Variants in UQCRH observed in about 807,000 individuals in gnomAD.
The protein encoded by UQCRH is ubiquinol-cytochrome c reductase hinge protein, also known as cytochrome b-c1 complex subunit 6, mitochondrial.
A neutral mutation model predicts 16.3 loss-of-function variants in UQCRH; 14 were observed. That is an observed-to-expected ratio of 0.86 (90% CI 0.57 to 1.34). The LOEUF (loss-of-function observed/expected upper bound fraction) is 1.34, where lower values mean the gene tolerates loss of function less well. UQCRH is among the 40% of genes most tolerant of loss of function. The pLI is 0.00. For synonymous variants in UQCRH, 41 were observed against 41.9 expected (o/e 0.98, Z 0.08); for missense variants, 89 against 111.9 (o/e 0.80, Z 0.92).
At chr1:46,309,727 G>T in intron 2 of UQCRH, 2 of 338,622 alleles carry the variant, frequency 5.9e-6, no homozygotes, top group Non-Finnish European at 9.7e-6. Context: ...CCTTCTCTAT[G>T]TTAGCATTGC....
chr1:46,305,686 G>A (rs1165731041), intron 1 of UQCRH, among the ~76,000 whole-genome samples: 1 of 152,012 alleles, frequency 6.6e-6, no homozygotes, highest in Non-Finnish European at 1.5e-5. Flanking sequence ...GAGAGGCGAA[G>A]CTTGCAGTGA....
intron 1 of UQCRH, among the ~76,000 whole-genome samples, chr1:46,306,317 C>A (rs1349489555): frequency 1.3e-5 from 2 of 151,506 alleles, no homozygotes. Context: ...TATCTACGGT[C>A]CTAATTTCTG....
chr1:46,316,506 C>CATTA, intron 3 of UQCRH, 46 bp from the exon 4 acceptor site: 1 of 1,613,168 alleles, frequency 6.2e-7, no homozygotes, highest in African/African-American at 1.3e-5. Context: ...TAAGCCATGA[C>CATTA]ATTAAAGCTG....
intron 3 of UQCRH, among the ~76,000 whole-genome samples, chr1:46,312,331 C>T (rs1333466668): frequency 6.6e-6 from 1 of 152,030 alleles, no homozygotes; most frequent in Non-Finnish European, 1.5e-5. Flanking sequence ...TCTTGAACTC[C>T]TGACCTCCAG....
In UQCRH at chr1:46,316,761, T is replaced by G; in HGVS notation, c.*177T>G. ...CGCAATGATTCCATCTAAATAAAAG[T>G]TCTATGATCTGCAAACCTGCCCGTC... On this transcript the variant is annotated 3_prime_UTR_variant, in exon 4 of 4. Coordinates refer to ENST00000311672, the MANE Select transcript of UQCRH (RefSeq NM_006004.4). 2 of 830,108 alleles carry G rather than the reference T, an allele frequency of 2.4e-6. No homozygotes were observed. The highest frequency in any genetic ancestry group is 3.5e-6 in the Non-Finnish European group (2 of 570,606). 51.4% of individuals were successfully genotyped at this position (830,108 alleles called of 1,614,324 possible).
At chr1:46,304,270 C>T (rs1661317949) in intron 1 of UQCRH, among the ~76,000 whole-genome samples, 1 of 151,930 alleles carries the variant, frequency 6.6e-6, no homozygotes, top group African/African-American at 2.4e-5. Context: ...TCTTTGGGGA[C>T]AATGAAAGAA....
chr1:46,309,866 G>A (rs1204319004), intron 2 of UQCRH: 1 of 1,345,090 alleles, frequency 7.4e-7, no homozygotes, highest in Non-Finnish European at 9.6e-7. Context: ...TTCAAGTTTG[G>A]CCAGGTTTCC....
intron 1 of UQCRH, among the ~76,000 whole-genome samples, chr1:46,305,507 TGGATC>T: frequency 7.7e-6 from 1 of 129,356 alleles, no homozygotes; most frequent in African/African-American, 2.6e-5. Flanking sequence ...CCGAGGCGGG[TGGATC>T]GGGAGGCCGA....
intron 3 of UQCRH, 87 bp from the exon 4 acceptor site, chr1:46,316,465 G>T: frequency 6.4e-7 from 1 of 1,570,348 alleles, no homozygotes; most frequent in Non-Finnish European, 8.7e-7. Flanking sequence ...GAGAAGAGGG[G>T]CAGTACTGTT....
intron 3 of UQCRH, among the ~76,000 whole-genome samples, chr1:46,313,790 A>G (rs1661527586): frequency 6.6e-6 from 1 of 150,500 alleles, no homozygotes; most frequent in African/African-American, 2.4e-5. Flanking sequence ...TCAGTGAGCC[A>G]TGATCACGCC....
At chr1:46,311,013 A>G (rs991112863) in intron 3 of UQCRH, among the ~76,000 whole-genome samples, 6 of 151,124 alleles carry the variant, frequency 4.0e-5, no homozygotes, top group Non-Finnish European at 8.8e-5. Flanking sequence ...GCTTGCAGTG[A>G]GCCGAGATTG....
chr1:46,310,495 C>T (rs910347569), intron 3 of UQCRH, among the ~76,000 whole-genome samples, 179 bp downstream of exon 3: 3 of 152,184 alleles, frequency 2.0e-5, no homozygotes, highest in Admixed American at 2.0e-4. Context: ...GAGGGTCTCA[C>T]TATGTTGTCC....
Position 46,304,192 on chromosome 1 carries a change from C to T in UQCRH, c.54+372C>T, listed in dbSNP as rs72883427. Reference sequence around the variant, plus strand: ...TTGCCCCAGCTCAGGTTAGGAATCCCTACCACATCTTCTATGGAGGTTCGG... The same window carrying T: ...TTGCCCCAGCTCAGGTTAGGAATCCTTACCACATCTTCTATGGAGGTTCGG... On this transcript the variant is annotated intron_variant, in intron 1 of 3. Coordinates refer to ENST00000311672, the MANE Select transcript of UQCRH (RefSeq NM_006004.4). Among the ~76,000 whole-genome samples, 785 of 152,276 alleles carry T rather than the reference C, an allele frequency of 5.2e-3. 7 individuals carry two copies. Among genetic ancestry groups the T allele is most frequent in the African/African-American group, 0.018 (746 of 41,558 alleles).
intron 2 of UQCRH, 111 bp from the exon 3 acceptor site, chr1:46,310,044 G>C: frequency 6.4e-7 from 1 of 1,552,042 alleles, no homozygotes; most frequent in Non-Finnish European, 8.7e-7. Flanking sequence ...CCTTCTGCAC[G>C]GTAATTCAGA....
At chr1:46,305,092 C>CA in intron 1 of UQCRH, among the ~76,000 whole-genome samples, 1 of 150,168 alleles carries the variant, frequency 6.7e-6, no homozygotes, top group East Asian at 2.0e-4. Context: ...CCGAGGCAGA[C>CA]AGGTAGCATG....
rs116244168 is a variant in UQCRH, at chr1:46,312,903, T to C, written c.243+2587T>C. ...GGGATACTACCATGAGATAACACTT[T>C]ATACCAACTGCCCACTAGGATGGCT... On this transcript the variant is annotated intron_variant, in intron 3 of 3. Coordinates refer to ENST00000311672, the MANE Select transcript of UQCRH (RefSeq NM_006004.4). Among the ~76,000 whole-genome samples the C allele has an allele frequency of 2.9e-3, 434 of 152,144 alleles. 4 individuals carry two copies. Among genetic ancestry groups the C allele is most frequent in the African/African-American group, 9.4e-3 (388 of 41,464 alleles).
chr1:46,311,320 G>GGGAGGCGGAGGCGGAGGCGGAGGC (rs148292502), intron 3 of UQCRH, among the ~76,000 whole-genome samples: 1 of 148,740 alleles, frequency 6.7e-6, no homozygotes. Context: ...CCAGCACTTT[G>GGGAGGCGGAGGCGGAGGCGGAGGC]GGAGGCGGAG....
At chr1:46,306,388 T>TTG (rs1339252787) in intron 1 of UQCRH, among the ~76,000 whole-genome samples, 2 of 149,998 alleles carry the variant, frequency 1.3e-5, no homozygotes, top group Non-Finnish European at 3.0e-5. Flanking sequence ...CAGTTTTTTT[T>TTG]TTTTTTTTTT....
chr1:46,314,673 C>CAAA (rs200199978), intron 3 of UQCRH, among the ~76,000 whole-genome samples: 3 of 59,090 alleles, frequency 5.1e-5, no homozygotes, highest in Non-Finnish European at 1.1e-4. Flanking sequence ...AACTCCGTCT[C>CAAA]AAAAAAAAAA....
Sources: allele counts gnomAD v4.1 joint callset (sites outside exome capture counted in the v4.1 genomes callset), GRCh38; gene constraint gnomAD v4.1.1; transcripts MANE v1.5; gene names NCBI Gene and HGNC (gene_info 2026-07-23, HGNC 2026-07-21).